Variants in RORA observed in about 807,000 individuals in gnomAD.
RORA encodes RAR related orphan receptor A, also known as nuclear receptor ROR-alpha.
RORA carries 7 observed loss-of-function variants against 69.5 expected under a neutral mutation model. That is an observed-to-expected ratio of 0.10 (90% CI 0.06 to 0.19). The LOEUF is 0.19. RORA is among the 10% of genes least tolerant of loss of function. The pLI, the probability that RORA is intolerant of heterozygous loss-of-function variation, is 1.00. For synonymous variants in RORA, 261 were observed against 240.8 expected (o/e 1.08, Z -0.78); for missense variants, 457 against 663.0 (o/e 0.69, Z 3.41).
intron 10 of RORA, among the ~76,000 whole-genome samples, chr15:60,498,463 G>T (rs1021630318): frequency 6.6e-6 from 1 of 152,230 alleles, no homozygotes; most frequent in African/African-American, 2.4e-5. Flanking sequence ...ATAAAGCAAT[G>T]CTGGGTCTGA....
intron 1 of RORA, among the ~76,000 whole-genome samples, chr15:60,947,274 T>A (rs1372414718): frequency 1.3e-5 from 2 of 152,284 alleles, no homozygotes; most frequent in Admixed American, 1.3e-4. Context: ...GGGGAAAAGA[T>A]AGAGAAATCA....
intron 1 of RORA, among the ~76,000 whole-genome samples, chr15:60,991,502 G>C (rs765096688): frequency 1.3e-5 from 2 of 152,098 alleles, no homozygotes; most frequent in South Asian, 2.1e-4. Flanking sequence ...AAGAGTGTTT[G>C]TGTCTTAATA....
chr15:60,691,167 T>C lies in RORA; in HGVS notation c.167-12481A>G, dbSNP rs2070817376. The stretch of plus-strand genomic sequence containing the variant: ...CACTTTCCCTCCACTTCTCCGCAGG[T>C]CTCCTTCACATCCATTCAGATCTTT... On this transcript the variant is annotated intron_variant, in intron 1 of 10. Coordinates refer to ENST00000335670, the MANE Select transcript of RORA (RefSeq NM_134261.3). Among the ~76,000 whole-genome samples, 3 of 152,128 alleles carry C rather than the reference T, an allele frequency of 2.0e-5. No individual in the cohort carries two copies. In the South Asian group the frequency reaches 6.2e-4, roughly 32 times the overall value.
At chr15:60,838,839 A>C (rs1366138800) in intron 1 of RORA, among the ~76,000 whole-genome samples, 1 of 131,270 alleles carries the variant, frequency 7.6e-6, no homozygotes, top group Non-Finnish European at 1.6e-5. Flanking sequence ...CAAAACATTC[A>C]TTCAACACAC....
intron 1 of RORA, among the ~76,000 whole-genome samples, chr15:61,190,563 C>A (rs1205555451): frequency 6.6e-6 from 1 of 152,108 alleles, no homozygotes; most frequent in Non-Finnish European, 1.5e-5. Flanking sequence ...GAGTTTGAGA[C>A]CAGCCTGGGC....
At chr15:60,993,924 A>C (rs1040540143) in intron 1 of RORA, among the ~76,000 whole-genome samples, 1 of 152,216 alleles carries the variant, frequency 6.6e-6, no homozygotes, top group Non-Finnish European at 1.5e-5. Flanking sequence ...ACCTAGATAC[A>C]TAATTTTCAA....
chr15:60,627,207 G>A (rs1377039127), intron 2 of RORA: 2 of 1,607,890 alleles, frequency 1.2e-6, no homozygotes, highest in Admixed American at 1.7e-5. Context: ...GTGATCAGCA[G>A]AGCAAAGAAC....
intron 1 of RORA, among the ~76,000 whole-genome samples, chr15:61,010,481 G>T (rs537901492): frequency 6.6e-6 from 1 of 152,090 alleles, no homozygotes; most frequent in Non-Finnish European, 1.5e-5. Flanking sequence ...ACTCTCTATC[G>T]AAGAAACAAA....
chr15:60,621,866 G>A (rs2069418166), intron 2 of RORA, among the ~76,000 whole-genome samples: 2 of 152,098 alleles, frequency 1.3e-5, no homozygotes, highest in Middle Eastern at 3.4e-3. Flanking sequence ...TGGCCAATAC[G>A]GTGAAAACTC....
At chr15:60,958,730 T>C (rs1893337592) in intron 1 of RORA, among the ~76,000 whole-genome samples, 1 of 152,174 alleles carries the variant, frequency 6.6e-6, no homozygotes, top group South Asian at 2.1e-4. Flanking sequence ...ATGGCAGCCG[T>C]GGCTGTCATT....
chr15:60,803,950 A>C (rs2072622409), intron 1 of RORA, among the ~76,000 whole-genome samples: 1 of 152,068 alleles, frequency 6.6e-6, no homozygotes, highest in Non-Finnish European at 1.5e-5. Flanking sequence ...TCTCTCTTCC[A>C]AATATGTCAG....
chr15:60,941,282 G>T (rs551691014), intron 1 of RORA, among the ~76,000 whole-genome samples: 1 of 152,218 alleles, frequency 6.6e-6, no homozygotes, highest in Non-Finnish European at 1.5e-5. Context: ...TGGACTTCAG[G>T]TTCCTTGTCC....
intron 1 of RORA, among the ~76,000 whole-genome samples, chr15:61,178,891 T>C (rs1465165777): frequency 6.6e-6 from 1 of 152,254 alleles, no homozygotes; most frequent in African/African-American, 2.4e-5. Flanking sequence ...TATCTTCTGA[T>C]GGGGTAAAAT....
chr15:60,516,151 AT>A (rs2065918678), intron 3 of RORA, among the ~76,000 whole-genome samples: 4 of 39,834 alleles, frequency 1.0e-4, no homozygotes, highest in East Asian at 2.8e-3. Flanking sequence ...ATATATTTAT[AT>A]ATATATATTT....
At chr15:60,671,079 T>G (rs1043391008) in intron 2 of RORA, among the ~76,000 whole-genome samples, 2 of 141,842 alleles carry the variant, frequency 1.4e-5, no homozygotes, top group African/African-American at 2.8e-5. Context: ...TATATATATA[T>G]ATATATATAT....
intron 2 of RORA, among the ~76,000 whole-genome samples, chr15:60,578,748 C>T (rs1485860023): frequency 3.3e-5 from 5 of 151,120 alleles, no homozygotes; most frequent in Non-Finnish European, 5.9e-5. Context: ...CTTCATCAAG[C>T]ACATTCTTAA....
chr15:61,210,278 C>T (rs1950530219), intron 1 of RORA, among the ~76,000 whole-genome samples: 2 of 152,190 alleles, frequency 1.3e-5, no homozygotes, highest in African/African-American at 2.4e-5. Flanking sequence ...CTTTTATAGC[C>T]AGTCTTTCTC....
intron 1 of RORA, among the ~76,000 whole-genome samples, chr15:61,070,011 T>C (rs935706554): frequency 6.6e-5 from 10 of 152,234 alleles, no homozygotes; most frequent in African/African-American, 2.2e-4. Context: ...TTTAAAAGTA[T>C]GTTTATTTTT....
chr15:60,634,693 G>A (rs541882333), intron 2 of RORA, among the ~76,000 whole-genome samples: 3 of 152,172 alleles, frequency 2.0e-5, no homozygotes, highest in African/African-American at 7.2e-5. Context: ...TTGAGCCACC[G>A]CACCTGGCCC....
Sources: gnomAD v4.1 joint callset for allele counts (sites outside exome capture counted in the v4.1 genomes callset) on GRCh38, gnomAD v4.1.1 for gene constraint, MANE v1.5 for transcripts, NCBI Gene and HGNC (gene_info 2026-07-23, HGNC 2026-07-21) for gene names.